PCM1: variants seen among roughly 807,000 people sequenced by gnomAD.
The protein encoded by PCM1 is pericentriolar material 1 protein.
In PCM1, 157 loss-of-function variants were observed where a neutral mutation model predicts 241.9. The observed-to-expected ratio is 0.65, with a 90% CI of 0.57 to 0.74. PCM1 has a LOEUF of 0.74. Among genes scored for constraint, PCM1 ranks in the 30% least tolerant of loss-of-function variants. The probability of loss-of-function intolerance (pLI) is 0.00; values close to 1 mark genes in which losing one functional copy is unlikely to be tolerated. For missense variants in PCM1, 3,478 were observed against 2,360.1 expected, an observed-to-expected ratio of 1.47 and a Z score of -9.81; for synonymous variants, 1,085 against 784.9, an observed-to-expected ratio of 1.38 and a Z score of -6.39.
In PCM1 at chr8:17,972,498, C is replaced by A; in HGVS notation, c.3754C>A (p.Gln1252Lys). The change falls in exon 23 of 39, where the codon CAG becomes AAG. Residue 1252 changes from glutamine to lysine, a missense_variant. Coordinates refer to ENST00000325083, the MANE Select transcript of PCM1 (RefSeq NM_006197.4). Reference sequence around the variant, plus strand: ...ATTAGATACAAACGGAAGAAGACGCCAGTTTGATGAAGAATCACTGGAAAG... The same window carrying A: ...ATTAGATACAAACGGAAGAAGACGCAAGTTTGATGAAGAATCACTGGAAAG... The part of the protein sequence containing the change: ...NQLDTNGRRR[Q>K]FDEESLESFS... The A allele has an allele frequency of 6.2e-7, 1 of 1,613,836 alleles. No individual in the cohort carries two copies. Among genetic ancestry groups the A allele is most frequent in the Non-Finnish European group, 8.5e-7 (1 of 1,179,804 alleles).
chr8:18,015,857 C>G (rs970264476), intron 36 of PCM1: 1 of 152,198 alleles, frequency 6.6e-6, no homozygotes, highest in Non-Finnish European at 1.5e-5. Flanking sequence ...ATTTCAGGCT[C>G]CACAGTTTGT....
intron 6 of PCM1, among the ~76,000 whole-genome samples, chr8:17,942,570 T>C (rs1689916465): frequency 6.6e-6 from 1 of 152,212 alleles, no homozygotes; most frequent in African/African-American, 2.4e-5. Context: ...AGAAAAATTA[T>C]CCAGTTGACT....
chr8:17,954,763 C>T (rs997869125), intron 9 of PCM1, among the ~76,000 whole-genome samples: 1 of 152,106 alleles, frequency 6.6e-6, no homozygotes, highest in Non-Finnish European at 1.5e-5. Flanking sequence ...TCTTTAATTC[C>T]TCTTGAAAGC....
In PCM1 at chr8:18,027,713, A is replaced by T; in HGVS notation, c.*51A>T. ...CTGTCCTTACATACTCAATGCATAT[A>T]TGAAAACAATACTAAATAAACATCT... On this transcript the variant is annotated 3_prime_UTR_variant, in exon 39 of 39. Transcript: ENST00000325083. 1 of 1,297,180 alleles carries T rather than the reference A, an allele frequency of 7.7e-7. No homozygotes were observed. Among genetic ancestry groups the T allele is most frequent in the Non-Finnish European group, 1.1e-6 (1 of 910,946 alleles). 80.4% of individuals were successfully genotyped at this position (1,297,180 alleles called of 1,614,324 possible). A position where few individuals can be genotyped will look rare whatever the true frequency, so the allele number is the denominator to read the frequency against.
chr8:17,989,603 G>A (rs1587947452), intron 26 of PCM1, among the ~76,000 whole-genome samples: 1 of 151,930 alleles, frequency 6.6e-6, no homozygotes, highest in Non-Finnish European at 1.5e-5. Context: ...AATTTAATCA[G>A]TAGCTGTCTT....
intron 17 of PCM1, among the ~76,000 whole-genome samples, chr8:17,963,547 T>C (rs1268000683): frequency 1.3e-5 from 2 of 152,226 alleles, no homozygotes; most frequent in African/African-American, 2.4e-5. Flanking sequence ...GATTTTCTTA[T>C]GTGTATAAGC....
At position 17,955,537 on chromosome 8, in the gene PCM1, G is replaced by T; in HGVS notation, c.1356G>T (p.Pro452=). The change falls in exon 10 of 39, where the codon CCG becomes CCT. Residue 452 remains proline (P), a synonymous_variant. Coordinates refer to ENST00000325083, the MANE Select transcript of PCM1 (RefSeq NM_006197.4). ...CCTCTGCTTCTGTAGGCTTGGCACCGGTTGTCAATGGAGAATCCAATAGCC... is the reference window on the plus strand; with the variant it reads ...CCTCTGCTTCTGTAGGCTTGGCACCTGTTGTCAATGGAGAATCCAATAGCC... ...SAPSASVGLA[P]VVNGESNSLT... 1 of 1,613,538 alleles carries T rather than the reference G, an allele frequency of 6.2e-7. No homozygotes were observed. The highest frequency in any genetic ancestry group is 8.5e-7 in the Non-Finnish European group (1 of 1,179,626).
chr8:17,984,235 G>A (rs1486967201), intron 24 of PCM1, among the ~76,000 whole-genome samples: 1 of 151,944 alleles, frequency 6.6e-6, no homozygotes. Flanking sequence ...GCTTTGAAAT[G>A]AATTTTTTAA....
chr8:18,020,609 A>T (rs879012039), intron 36 of PCM1, among the ~76,000 whole-genome samples: 15 of 152,164 alleles, frequency 9.9e-5, no homozygotes, highest in Admixed American at 5.2e-4. Flanking sequence ...CTGAATAAAT[A>T]CATTTTATTG....
intron 8 of PCM1, among the ~76,000 whole-genome samples, chr8:17,951,430 ACT>A (rs947138520): frequency 3.9e-5 from 6 of 151,998 alleles, no homozygotes; most frequent in African/African-American, 1.5e-4. Flanking sequence ...CTTTAGAGAA[ACT>A]CTCACATGTT....
chr8:17,956,980 C>G (rs1442029067), intron 11 of PCM1, among the ~76,000 whole-genome samples: 4 of 152,256 alleles, frequency 2.6e-5, no homozygotes, highest in African/African-American at 9.6e-5. Flanking sequence ...TAAATTTGCC[C>G]TTTGTTAGAC....
Position 17,935,712 on chromosome 8 carries a change from A to T in PCM1, c.96+6A>T, listed in dbSNP as rs776999837. On this transcript the variant is annotated splice_donor_region_variant and intron_variant, in intron 3 of 38. Coordinates refer to ENST00000325083, the MANE Select transcript of PCM1 (RefSeq NM_006197.4). ...ATGACAGGCTCAACAATATGGTATG[A>T]TTCCTTACTCTTCATGGTGTGTTGT... 7.2e-6 allele frequency: 9 copies of T among 1,245,038 alleles called. No individual in the cohort carries two copies. Among genetic ancestry groups the T allele is most frequent in the Non-Finnish European group, 1.1e-5 (9 of 843,878 alleles). The allele number at this position is 1,245,038 out of a possible 1,614,324, so 77.1% of individuals were successfully genotyped here.
rs867013409 is a variant in PCM1 at position 18,028,178 on chromosome 8, C to G, written c.*516C>G. On this transcript the variant is annotated 3_prime_UTR_variant, in exon 39 of 39. Coordinates refer to ENST00000325083, the MANE Select transcript of PCM1 (RefSeq NM_006197.4). ...GTTCTTCTTTTAGATACCTGCAGGT[C>G]CTATTCCTGTGCAAGAATAGGGCAG... 7 of 192,818 alleles carry G rather than the reference C, an allele frequency of 3.6e-5. No homozygotes were observed. The highest frequency in any genetic ancestry group is 6.5e-5 in the Non-Finnish European group (6 of 92,558). The allele number at this position is 192,818 out of a possible 1,614,324, so 11.9% of individuals were successfully genotyped here.
chr8:17,922,992 T>C lies in PCM1; in HGVS notation c.-287T>C, dbSNP rs2055103597. 6.6e-6 allele frequency: 1 copy of C among 151,658 alleles called. No individual in the cohort carries two copies. The highest frequency in any genetic ancestry group is 2.1e-4 in the South Asian group (1 of 4,778). The allele number at this position is 151,658 out of a possible 1,614,324, so 9.4% of individuals were successfully genotyped here. A position where few individuals can be genotyped will look rare whatever the true frequency, so the allele number is the denominator to read the frequency against. ...CCCCGCCCCTCTTCTCCCACCACAA[T>C]GAGATCCTAAGATGGCGGTGGCTGC... is the stretch of plus-strand genomic sequence containing the variant. On this transcript the variant is annotated 5_prime_UTR_variant, in exon 1 of 39. The change abolishes an upstream ATG in the 5' untranslated region. Transcript: ENST00000325083.
intron 4 of PCM1, among the ~76,000 whole-genome samples, chr8:17,938,204 T>C (rs1458841811): frequency 1.3e-5 from 2 of 152,146 alleles, no homozygotes; most frequent in Non-Finnish European, 2.9e-5. Context: ...AGTGCCAACA[T>C]GAGTGGAAAA....
chr8:18,022,277 A>C (rs2093814917), intron 36 of PCM1, among the ~76,000 whole-genome samples: 1 of 152,214 alleles, frequency 6.6e-6, no homozygotes, highest in East Asian at 1.9e-4. Flanking sequence ...AAACGACTAC[A>C]TTTAAAACTT....
intron 35 of PCM1, among the ~76,000 whole-genome samples, chr8:18,014,311 T>A (rs1564393304): frequency 6.6e-6 from 1 of 151,446 alleles, no homozygotes; most frequent in Non-Finnish European, 1.5e-5. Context: ...ATGGTAGATT[T>A]AAAAAAAAAA....
intron 8 of PCM1, among the ~76,000 whole-genome samples, chr8:17,952,380 A>T (rs1458368307): frequency 6.6e-6 from 1 of 152,132 alleles, no homozygotes; most frequent in East Asian, 1.9e-4. Flanking sequence ...TATTTTATGT[A>T]ACGTGGCATT....
chr8:17,938,725 C>G lies in PCM1; in HGVS notation c.343-15C>G. 1 of 1,595,074 alleles carries G rather than the reference C, an allele frequency of 6.3e-7. No homozygotes were observed. Among genetic ancestry groups the G allele is most frequent in the Admixed American group, 1.7e-5 (1 of 59,060 alleles). On this transcript the variant is annotated splice_polypyrimidine_tract_variant and intron_variant, in intron 4 of 38. Coordinates refer to ENST00000325083, the MANE Select transcript of PCM1 (RefSeq NM_006197.4). ...GGTTAATGTTTGTGTGATTTGATTT[C>G]TTTTTCATATATAGAGAAGCATTGG...
Sources: gnomAD v4.1 joint callset for allele counts (sites outside exome capture counted in the v4.1 genomes callset) on GRCh38, gnomAD v4.1.1 for gene constraint, MANE v1.5 for transcripts, NCBI Gene and HGNC (gene_info 2026-07-23, HGNC 2026-07-21) for gene names.